The following LMX1A variants were observed in gnomAD, a reference collection of about 807,000 sequenced individuals.
LMX1A encodes LIM homeobox transcription factor 1-alpha.
Under a neutral mutation model 49.1 loss-of-function variants are expected in LMX1A, and 15 were observed. The ratio of observed to expected loss-of-function variants is 0.31; its 90% confidence interval spans 0.20 to 0.47. The LOEUF (loss-of-function observed/expected upper bound fraction) is 0.47, where lower values mean the gene tolerates loss of function less well. Ranked by LOEUF, LMX1A falls within the 20% of genes least tolerant of loss-of-function variation. The pLI is 1.00. For missense variants in LMX1A, 372 were observed against 475.8 expected, an observed-to-expected ratio of 0.78 and a Z score of 2.03; for synonymous variants, 167 against 185.7, an observed-to-expected ratio of 0.90 and a Z score of 0.82.
At position 165,265,909 on chromosome 1, in the gene LMX1A, C is replaced by T. The variant is rs150183216; in HGVS notation, c.264-16269G>A. Among the ~76,000 whole-genome samples, 41 of 152,022 alleles carry T rather than the reference C, an allele frequency of 2.7e-4. No homozygotes were observed. The East Asian group carries it at 7.4e-3, about 27-fold the overall frequency. On this transcript the variant is annotated intron_variant, in intron 3 of 8. Coordinates refer to ENST00000342310, the MANE Select transcript of LMX1A (RefSeq NM_177398.4). Reference sequence around the variant, plus strand: ...GAAATATGACTTTCATAGCACCTCCCGCAAAGACACACAAGGATCCTTATA... The same window carrying T: ...GAAATATGACTTTCATAGCACCTCCTGCAAAGACACACAAGGATCCTTATA...
At chr1:165,334,491 A>T (rs1198077348) in intron 3 of LMX1A, among the ~76,000 whole-genome samples, 1 of 152,182 alleles carries the variant, frequency 6.6e-6, no homozygotes. Flanking sequence ...GAAGGAACTG[A>T]GGCACAGAGA....
chr1:165,281,617 T>C (rs1390076687), intron 3 of LMX1A, among the ~76,000 whole-genome samples: 1 of 152,150 alleles, frequency 6.6e-6, no homozygotes, highest in Non-Finnish European at 1.5e-5. Context: ...AAAGCAGGCT[T>C]TATGAATGAT....
At chr1:165,242,002 A>G (rs1452190243) in intron 4 of LMX1A, among the ~76,000 whole-genome samples, 5 of 152,346 alleles carry the variant, frequency 3.3e-5, no homozygotes, top group South Asian at 2.1e-4. Flanking sequence ...AGACTCCAGC[A>G]GATGTGAGGA....
intron 3 of LMX1A, among the ~76,000 whole-genome samples, chr1:165,284,496 T>C (rs1654246506): frequency 6.6e-6 from 1 of 152,162 alleles, no homozygotes. Context: ...TAAGAGTGAA[T>C]GAGCAGGCAG....
chr1:165,292,905 T>C (rs1214563922), intron 3 of LMX1A, among the ~76,000 whole-genome samples: 1 of 151,966 alleles, frequency 6.6e-6, no homozygotes, highest in African/African-American at 2.4e-5. Flanking sequence ...GATCACGAGG[T>C]CAGGAGATTG....
chr1:165,278,442 TA>T (rs1289773482), intron 3 of LMX1A, among the ~76,000 whole-genome samples: 1 of 152,148 alleles, frequency 6.6e-6, no homozygotes, highest in Non-Finnish European at 1.5e-5. Flanking sequence ...TCTTTTGGAG[TA>T]ACCTCTTTCT....
At chr1:165,336,783 A>G (rs184876263) in intron 3 of LMX1A, among the ~76,000 whole-genome samples, 9 of 152,304 alleles carry the variant, frequency 5.9e-5, no homozygotes, top group African/African-American at 1.9e-4. Flanking sequence ...TGCCTATCCT[A>G]TTCCAGGCAT....
At position 165,353,255 on chromosome 1, in the gene LMX1A, C is replaced by T. The variant is rs962528380; in HGVS notation, c.84G>A (p.Ala28=). 2 of 1,610,614 alleles carry T rather than the reference C, an allele frequency of 1.2e-6. No homozygotes were observed. Among genetic ancestry groups the T allele is most frequent in the South Asian group, 1.1e-5 (1 of 91,038 alleles). The change falls in exon 3 of 9, where the codon GCG becomes GCA. Residue 28 remains alanine, a synonymous_variant. Coordinates refer to ENST00000342310, the MANE Select transcript of LMX1A (RefSeq NM_177398.4). ...CCTCGCAGACAGACTTGGGGCTCAC[C>T]GCTCTGCCTGTAGCCACAACAGACG... The part of the protein sequence containing the change: ...SASFSSLLGR[A]VSPKSVCEGC...
chr1:165,339,069 T>G (rs1301381966), intron 3 of LMX1A, among the ~76,000 whole-genome samples: 1 of 152,050 alleles, frequency 6.6e-6, no homozygotes, highest in Non-Finnish European at 1.5e-5. Context: ...CTCAAAGAGG[T>G]TAAATGATTT....
At chr1:165,307,748 G>C (rs112425514) in intron 3 of LMX1A, among the ~76,000 whole-genome samples, 1 of 152,150 alleles carries the variant, frequency 6.6e-6, no homozygotes, top group African/African-American at 2.4e-5. Flanking sequence ...TCATCCATAG[G>C]AGCCTGGACC....
chr1:165,297,520 A>C (rs1220154464), intron 3 of LMX1A, among the ~76,000 whole-genome samples: 1 of 152,228 alleles, frequency 6.6e-6, no homozygotes, highest in East Asian at 1.9e-4. Flanking sequence ...TAAGAAGCAG[A>C]ACACTCAACA....
At chr1:165,308,690 C>T (rs16842378) in intron 3 of LMX1A, among the ~76,000 whole-genome samples, 7,241 of 152,226 alleles carry the variant, frequency 0.048, 605 homozygotes, top group African/African-American at 0.17. Flanking sequence ...GATTGGTCCC[C>T]TGGACTTGTG....
chr1:165,288,590 A>G (rs1198298841), intron 3 of LMX1A, among the ~76,000 whole-genome samples: 1 of 152,170 alleles, frequency 6.6e-6, no homozygotes, highest in Non-Finnish European at 1.5e-5. Context: ...ATGGGATCCC[A>G]TGTCTCCTAG....
chr1:165,236,487 TAAAC>T (rs1200822142), intron 4 of LMX1A, among the ~76,000 whole-genome samples: 1 of 152,214 alleles, frequency 6.6e-6, no homozygotes, highest in Non-Finnish European at 1.5e-5. Context: ...GCATTTCCAA[TAAAC>T]AATAATTTCT....
chr1:165,274,376 C>A (rs576992256), intron 3 of LMX1A, among the ~76,000 whole-genome samples: 18 of 152,190 alleles, frequency 1.2e-4, no homozygotes, highest in Non-Finnish European at 2.4e-4. Context: ...GGAACCCATT[C>A]ATTTTTGCAC....
In LMX1A at chr1:165,202,203, T is replaced by C. The variant is rs143525854; in HGVS notation, c.*1677A>G. ...CCCAGAAATGAGGCCAAGCCTATCCTGGCCCCTCCTGGATGGGTCCACAGT... is the reference window on the plus strand; with the variant it reads ...CCCAGAAATGAGGCCAAGCCTATCCCGGCCCCTCCTGGATGGGTCCACAGT... On this transcript the variant is annotated 3_prime_UTR_variant, in exon 9 of 9. Coordinates refer to ENST00000342310, the MANE Select transcript of LMX1A (RefSeq NM_177398.4). 712 of 152,756 alleles carry C rather than the reference T, an allele frequency of 4.7e-3. 2 individuals carry two copies. The highest frequency in any genetic ancestry group is 7.9e-3 in the Non-Finnish European group (541 of 68,054). 9.5% of individuals were successfully genotyped at this position (152,756 alleles called of 1,614,324 possible).
At position 165,353,065 on chromosome 1, in the gene LMX1A, C is replaced by A; in HGVS notation, c.263+11G>T. 1 of 1,613,124 alleles carries A rather than the reference C, an allele frequency of 6.2e-7. No individual in the cohort carries two copies. Among genetic ancestry groups the A allele is most frequent in the Non-Finnish European group, 8.5e-7 (1 of 1,179,424 alleles). On this transcript the variant is annotated intron_variant, in intron 3 of 8. Transcript: ENST00000342310. ...GTGCGCGGGGAGCGCTGCGGGGGTG[C>A]GGCCACTTACTTCTCGTAGTCATAC...
chr1:165,230,497 T>C (rs932633611), intron 4 of LMX1A, among the ~76,000 whole-genome samples: 3 of 152,146 alleles, frequency 2.0e-5, no homozygotes, highest in Admixed American at 6.5e-5. Context: ...GGCAGGAACA[T>C]CCCTACATAT....
intron 3 of LMX1A, among the ~76,000 whole-genome samples, chr1:165,278,575 C>T (rs1161711299): frequency 1.3e-5 from 2 of 152,188 alleles, no homozygotes; most frequent in Non-Finnish European, 2.9e-5. Context: ...CTCTCTTCCC[C>T]ATCCTCCCTC....
Sources: allele counts gnomAD v4.1 joint callset (sites outside exome capture counted in the v4.1 genomes callset), GRCh38; gene constraint gnomAD v4.1.1; transcripts MANE v1.5; gene names NCBI Gene and HGNC (gene_info 2026-07-23, HGNC 2026-07-21).